The following CCDC110 variants were observed in gnomAD, a reference collection of about 807,000 sequenced individuals.
CCDC110 encodes the protein coiled-coil domain-containing protein 110.
In CCDC110, 70 loss-of-function variants were observed where a neutral mutation model predicts 77.1. The observed-to-expected ratio is 0.91, with a 90% confidence interval of 0.75 to 1.11. The LOEUF (loss-of-function observed/expected upper bound fraction) is 1.11. Among genes scored for constraint, CCDC110 ranks in the 50% least tolerant of loss-of-function variants. The probability of loss-of-function intolerance (pLI) is 0.00; values close to 1 mark genes in which losing one functional copy is unlikely to be tolerated. For synonymous variants in CCDC110, 295 were observed against 312.5 expected, an observed-to-expected ratio of 0.94 and a Z score of 0.59; for missense variants, 868 against 942.9, an observed-to-expected ratio of 0.92 and a Z score of 1.04.
intron 2 of CCDC110, 58 bp downstream of exon 2, chr4:185,470,887 G>T: frequency 8.0e-7 from 1 of 1,251,268 alleles, no homozygotes; most frequent in Non-Finnish European, 1.2e-6. Context: ...GGTGGCACAG[G>T]CCAGATGCTG....
chr4:185,467,343 T>C (rs908366643), intron 2 of CCDC110, among the ~76,000 whole-genome samples: 4 of 152,230 alleles, frequency 2.6e-5, no homozygotes, highest in Non-Finnish European at 5.9e-5. Flanking sequence ...GGCTGCTACT[T>C]ATTCCCAAAG....
At chr4:185,461,820 G>A (rs1348911714) in intron 4 of CCDC110, among the ~76,000 whole-genome samples, 3 of 152,158 alleles carry the variant, frequency 2.0e-5, no homozygotes, top group African/African-American at 4.8e-5. Context: ...AAGTGTAGCC[G>A]GGTGCGGTGG....
At chr4:185,452,874 G>A (rs1406980236) in intron 6 of CCDC110, among the ~76,000 whole-genome samples, 5 of 141,198 alleles carry the variant, frequency 3.5e-5, no homozygotes, top group African/African-American at 8.0e-5. Context: ...CAGCCTGGAC[G>A]GCAGAGTGAG....
intron 5 of CCDC110, among the ~76,000 whole-genome samples, chr4:185,460,691 C>A (rs1316690506): frequency 6.6e-6 from 1 of 152,106 alleles, no homozygotes; most frequent in East Asian, 1.9e-4. Context: ...TCAGTGTGGA[C>A]ACAGTGATGG....
chr4:185,467,957 C>T (rs1306189882), intron 2 of CCDC110, among the ~76,000 whole-genome samples: 8 of 152,258 alleles, frequency 5.3e-5, no homozygotes, highest in East Asian at 3.9e-4. Flanking sequence ...TTAGTAGAGA[C>T]GGGGTTTCAC....
chr4:185,457,970 C>T, intron 6 of CCDC110, 156 bp downstream of exon 6: 1 of 628,614 alleles, frequency 1.6e-6, no homozygotes, highest in Non-Finnish European at 2.4e-6. Flanking sequence ...AGAAAAAATT[C>T]CTAAATAATT....
Position 185,465,820 on chromosome 4 carries a change from G to GA in CCDC110, c.116-2772dup, listed in dbSNP as rs1220592367. ...TAGATTCAGAATATACTTTGGAGAT[G>GA]AAGCCAGCAGCATTGCTGGAGGATT... On this transcript the variant is annotated intron_variant, in intron 2 of 6. Coordinates refer to ENST00000307588, the MANE Select transcript of CCDC110 (RefSeq NM_152775.4). Among the ~76,000 whole-genome samples the GA allele has an allele frequency of 3.3e-5, 5 of 152,280 alleles. No individual in the cohort carries two copies. The East Asian group carries it at 9.7e-4, about 29-fold the overall frequency.
chr4:185,452,381 A>C, intron 6 of CCDC110: 1 of 985,356 alleles, frequency 1.0e-6, no homozygotes, highest in Non-Finnish European at 1.2e-6. Context: ...AATCTGAAAC[A>C]ATGATTGTGG....
At chr4:185,457,643 C>T (rs1390190954) in intron 6 of CCDC110, 19 of 613,286 alleles carry the variant, frequency 3.1e-5, no homozygotes, top group Non-Finnish European at 4.8e-5. Context: ...TACTTAATTC[C>T]AATTTCTAAT....
chr4:185,460,140 A>G lies in CCDC110; in HGVS notation c.447T>C (p.Asp149=). The change falls in exon 6 of 7, where the codon GAT becomes GAC. Residue 149 remains aspartate, a synonymous_variant. Transcript: ENST00000307588. ...CACTTTGAGGGAGACTGTTCACACT[A>G]TCACCACTTAATTTTTCTTCCACTG... The part of the protein sequence containing the change: ...LHSVEEKLSG[D]SVNSLPQSVN... 3 of 1,613,300 alleles carry G rather than the reference A, an allele frequency of 1.9e-6. No individual in the cohort carries two copies. The highest frequency in any genetic ancestry group is 1.7e-6 in the Non-Finnish European group (2 of 1,179,844).
In CCDC110 at chr4:185,462,546, C is replaced by A. The variant is rs537297745; in HGVS notation, c.237+97G>T. The A allele has an allele frequency of 3.7e-5, 33 of 899,444 alleles. No homozygotes were observed. The South Asian group carries it at 4.1e-4, about 11-fold the overall frequency. The allele number at this position is 899,444 out of a possible 1,614,324, so 55.7% of individuals were successfully genotyped here. Reference sequence around the variant, plus strand: ...GCTGTGGCCTCTATTATATTAAATTCTGTGTCAGCTAATCCATTGGCTAGT... The same window carrying A: ...GCTGTGGCCTCTATTATATTAAATTATGTGTCAGCTAATCCATTGGCTAGT... On this transcript the variant is annotated intron_variant, in intron 4 of 6. Transcript: ENST00000307588.
chr4:185,447,186 CTT>C (rs11352180), intron 6 of CCDC110, among the ~76,000 whole-genome samples: 82 of 139,592 alleles, frequency 5.9e-4, no homozygotes, highest in South Asian at 2.7e-3. Flanking sequence ...TATATTTTTT[CTT>C]TTTTTTTTTT....
intron 4 of CCDC110, among the ~76,000 whole-genome samples, chr4:185,461,676 A>G (rs2095646696): frequency 1.3e-5 from 2 of 152,218 alleles, no homozygotes; most frequent in Non-Finnish European, 2.9e-5. Context: ...TCTAACTCCC[A>G]GGGGCACCTG....
chr4:185,471,461 G>T (rs2095667600), intron 1 of CCDC110: 5 of 489,870 alleles, frequency 1.0e-5, no homozygotes, highest in African/African-American at 2.1e-5. Context: ...GGGCGGCGGC[G>T]GCAGACCACG....
chr4:185,469,609 C>A (rs2095662233), intron 2 of CCDC110, among the ~76,000 whole-genome samples: 1 of 152,184 alleles, frequency 6.6e-6, no homozygotes, highest in Non-Finnish European at 1.5e-5. Flanking sequence ...GTTCAGGGGG[C>A]CCCTTTGCCC....
intron 6 of CCDC110, among the ~76,000 whole-genome samples, chr4:185,454,471 T>C (rs1436136279): frequency 6.6e-6 from 1 of 151,990 alleles, no homozygotes; most frequent in East Asian, 2.0e-4. Flanking sequence ...CCCAGCACTT[T>C]GGGAGGCTGA....
At chr4:185,447,388 G>A (rs569947780) in intron 6 of CCDC110, among the ~76,000 whole-genome samples, 1 of 152,026 alleles carries the variant, frequency 6.6e-6, no homozygotes, top group African/African-American at 2.4e-5. Flanking sequence ...CACTGTGTTA[G>A]CCAGGATGGA....
At chr4:185,448,576 A>T (rs930670871) in intron 6 of CCDC110, among the ~76,000 whole-genome samples, 2 of 152,208 alleles carry the variant, frequency 1.3e-5, no homozygotes, top group Non-Finnish European at 2.9e-5. Flanking sequence ...AAATGTATGT[A>T]ATTTAAACTG....
Position 185,459,820 on chromosome 4 carries a change from T to C in CCDC110, c.767A>G (p.His256Arg), listed in dbSNP as rs1340547651. The change falls in exon 6 of 7, where the codon CAT (histidine) becomes CGT (arginine). Residue 256 changes from histidine to arginine, a missense_variant. His to Arg is a conservative substitution (Grantham distance 29). Transcript: ENST00000307588. ...ATTTGTAAGTGCCACTTCCCCATCATGTGACTTTTGAAGCTCTTCTTTCAT... is the reference window on the plus strand; with the variant it reads ...ATTTGTAAGTGCCACTTCCCCATCACGTGACTTTTGAAGCTCTTCTTTCAT... ...KQMKEELQKS[H>R]DGEVALTNEL... 1 of 1,613,446 alleles carries C rather than the reference T, an allele frequency of 6.2e-7. No individual in the cohort carries two copies. The highest frequency in any genetic ancestry group is 1.3e-5 in the African/African-American group (1 of 74,942).
Sources: allele counts gnomAD v4.1 joint callset (sites outside exome capture counted in the v4.1 genomes callset), GRCh38; gene constraint gnomAD v4.1.1; transcripts MANE v1.5; gene names NCBI Gene and HGNC (gene_info 2026-07-23, HGNC 2026-07-21).